The following KCNQ3 variants were observed in gnomAD, a reference collection of about 807,000 sequenced individuals.
KCNQ3 encodes potassium voltage-gated channel subfamily Q member 3.
KCNQ3 carries 30 observed loss-of-function variants against 92.5 expected under a neutral mutation model. The observed-to-expected ratio is 0.32, with a 90% CI of 0.24 to 0.44. The LOEUF (loss-of-function observed/expected upper bound fraction) is 0.44. Ranked by LOEUF, KCNQ3 falls within the 20% of genes least tolerant of loss-of-function variation. The pLI is 1.00. For synonymous variants in KCNQ3, 450 were observed against 468.8 expected (o/e 0.96, Z 0.52); for missense variants, 913 against 1,140.3 (o/e 0.80, Z 2.87).
intron 1 of KCNQ3, among the ~76,000 whole-genome samples, chr8:132,334,527 C>A (rs1009944831): frequency 6.6e-6 from 1 of 152,172 alleles, no homozygotes; most frequent in African/African-American, 2.4e-5. Flanking sequence ...AAGAAGACAA[C>A]CTTTCTATGG....
At chr8:132,368,257 T>G in intron 1 of KCNQ3, among the ~76,000 whole-genome samples, 1 of 152,216 alleles carries the variant, frequency 6.6e-6, no homozygotes, top group Non-Finnish European at 1.5e-5. Flanking sequence ...CTTGCTATAA[T>G]AGGAGTGACA....
chr8:132,188,980 A>G (rs1827077859), intron 1 of KCNQ3, among the ~76,000 whole-genome samples: 1 of 152,164 alleles, frequency 6.6e-6, no homozygotes, highest in Admixed American at 6.5e-5. Context: ...GGAGGTGCAA[A>G]AGTTCATGGA....
intron 1 of KCNQ3, among the ~76,000 whole-genome samples, chr8:132,306,850 A>G (rs974275673): frequency 6.6e-6 from 1 of 152,240 alleles, no homozygotes; most frequent in Non-Finnish European, 1.5e-5. Context: ...GACTCTTGAC[A>G]GCATTTTTTT....
At chr8:132,299,928 G>A (rs1327478509) in intron 1 of KCNQ3, among the ~76,000 whole-genome samples, 1 of 152,238 alleles carries the variant, frequency 6.6e-6, no homozygotes, top group African/African-American at 2.4e-5. Flanking sequence ...AAGAGGCCAT[G>A]TGCTCCTCTT....
chr8:132,419,329 C>T (rs545567612), intron 1 of KCNQ3, among the ~76,000 whole-genome samples: 3 of 152,290 alleles, frequency 2.0e-5, no homozygotes, highest in East Asian at 1.9e-4. Flanking sequence ...TTGCAGGTCA[C>T]GGGCATCATT....
chr8:132,323,245 TCTC>T (rs1817946707), intron 1 of KCNQ3, among the ~76,000 whole-genome samples: 1 of 152,204 alleles, frequency 6.6e-6, no homozygotes, highest in African/African-American at 2.4e-5. Flanking sequence ...GAGGAAGAGA[TCTC>T]CTGACCTCAG....
At chr8:132,390,941 A>G (rs1335465329) in intron 1 of KCNQ3, among the ~76,000 whole-genome samples, 2 of 152,208 alleles carry the variant, frequency 1.3e-5, no homozygotes, top group Non-Finnish European at 2.9e-5. Flanking sequence ...TTTGGTTTCC[A>G]CAATCTCAGG....
At chr8:132,131,304 C>T (rs1410883178) in intron 14 of KCNQ3, among the ~76,000 whole-genome samples, 1 of 152,140 alleles carries the variant, frequency 6.6e-6, no homozygotes, top group Non-Finnish European at 1.5e-5. Flanking sequence ...ACTGGCAGTA[C>T]CATTTATCTA....
intron 1 of KCNQ3, among the ~76,000 whole-genome samples, chr8:132,314,091 A>T (rs2130618687): frequency 6.6e-6 from 1 of 152,366 alleles, no homozygotes; most frequent in South Asian, 2.1e-4. Flanking sequence ...TGAAAATTGA[A>T]CAAAACAAAC....
chr8:132,350,590 C>T (rs117211989), intron 1 of KCNQ3, among the ~76,000 whole-genome samples: 1,746 of 152,304 alleles, frequency 0.011, 16 homozygotes, highest in Non-Finnish European at 0.02. Flanking sequence ...GCAAGCGGGG[C>T]TCTTTCCTGG....
intron 1 of KCNQ3, among the ~76,000 whole-genome samples, chr8:132,227,088 G>A (rs1328495231): frequency 1.4e-5 from 2 of 140,994 alleles, no homozygotes; most frequent in South Asian, 4.5e-4. Context: ...TTTAGATGGA[G>A]TCTCGCTGTG....
chr8:132,477,406 T>G (rs1467292326), intron 1 of KCNQ3, among the ~76,000 whole-genome samples: 4 of 150,400 alleles, frequency 2.7e-5, no homozygotes, highest in Non-Finnish European at 5.9e-5. Context: ...CCCAATTTCC[T>G]GGGCCCATTG....
intron 1 of KCNQ3, among the ~76,000 whole-genome samples, chr8:132,273,456 A>C (rs1224356989): frequency 1.3e-5 from 2 of 152,182 alleles, no homozygotes; most frequent in African/African-American, 4.8e-5. Flanking sequence ...CCAGCCCATG[A>C]AACCATTTTT....
At position 132,126,196 on chromosome 8, in the gene KCNQ3, T is replaced by C. The variant is rs577001130; in HGVS notation, c.*3066A>G. 1.3e-5 allele frequency: 2 copies of C among 152,336 alleles called. No homozygotes were observed. The highest frequency in any genetic ancestry group is 6.5e-5 in the Admixed American group (1 of 15,304). The allele number at this position is 152,336 out of a possible 1,614,324, so 9.4% of individuals were successfully genotyped here. A position where few individuals can be genotyped will look rare whatever the true frequency, so the allele number is the denominator to read the frequency against. On this transcript the variant is annotated 3_prime_UTR_variant, in exon 15 of 15. Transcript: ENST00000388996. Reference sequence around the variant, plus strand: ...ATTTCATGGAGTTCTGCTGAAACGATTGCAATTTCTTGGGCAAGTTTCAGA... The same window carrying C: ...ATTTCATGGAGTTCTGCTGAAACGACTGCAATTTCTTGGGCAAGTTTCAGA...
At chr8:132,300,282 C>T (rs753838920) in intron 1 of KCNQ3, among the ~76,000 whole-genome samples, 2 of 152,188 alleles carry the variant, frequency 1.3e-5, no homozygotes, top group African/African-American at 2.4e-5. Context: ...CCTTTGCTGC[C>T]GTTTCATGTG....
chr8:132,168,717 ATGTGTGTGTGTGTGTGTGTGTG>A (rs568659056), intron 8 of KCNQ3, among the ~76,000 whole-genome samples: 2,796 of 108,516 alleles, frequency 0.026, 51 homozygotes, highest in Non-Finnish European at 0.036. Context: ...GATAATGAAT[ATGTGTGTGTGTGTGTGTGTGTG>A]TGTGTGTGTG....
At chr8:132,232,640 C>T (rs1057323001) in intron 1 of KCNQ3, among the ~76,000 whole-genome samples, 6 of 152,160 alleles carry the variant, frequency 3.9e-5, no homozygotes, top group African/African-American at 1.4e-4. Flanking sequence ...ACATCTAGAA[C>T]AGAGCATTCA....
Position 132,172,950 on chromosome 8 carries a change from G to T in KCNQ3, c.1045-257C>A, listed in dbSNP as rs556631943. ...GACACTGCCACTTTCCAGGTGTGAG[G>T]GCCTGGGCAAGCCCCTTAGCCCTGT... On this transcript the variant is annotated intron_variant, in intron 6 of 14. Transcript: ENST00000388996. Among the ~76,000 whole-genome samples, 17 of 152,320 alleles carry T rather than the reference G, an allele frequency of 1.1e-4. No individual in the cohort carries two copies. The South Asian group carries it at 1.7e-3, about 15-fold the overall frequency.
intron 1 of KCNQ3, among the ~76,000 whole-genome samples, chr8:132,282,744 A>G (rs1400978790): frequency 1.3e-5 from 2 of 152,186 alleles, no homozygotes; most frequent in Non-Finnish European, 2.9e-5. Context: ...TCAGTTGTCA[A>G]GAGCTCTGCT....
Sources: allele counts gnomAD v4.1 joint callset (sites outside exome capture counted in the v4.1 genomes callset), GRCh38; gene constraint gnomAD v4.1.1; transcripts MANE v1.5; gene names NCBI Gene and HGNC (gene_info 2026-07-23, HGNC 2026-07-21).